STK3: variants seen among roughly 807,000 people sequenced by gnomAD.
STK3 encodes the protein serine/threonine-protein kinase 3.
Under a neutral mutation model 58.0 loss-of-function variants are expected in STK3, and 41 were observed. The ratio of observed to expected loss-of-function variants is 0.71; its 90% CI spans 0.55 to 0.92. The LOEUF (loss-of-function observed/expected upper bound fraction) is 0.92, where lower values mean the gene tolerates loss of function less well. STK3 is among the 40% of genes least tolerant of loss of function. The pLI is 0.00. For synonymous variants in STK3, 170 were observed against 191.0 expected (o/e 0.89, Z 0.91); for missense variants, 479 against 602.7 (o/e 0.79, Z 2.15).
At chr8:98,734,088 GAA>G (rs1247987777) in intron 4 of STK3, among the ~76,000 whole-genome samples, 5 of 152,054 alleles carry the variant, frequency 3.3e-5, no homozygotes, top group African/African-American at 1.2e-4. Flanking sequence ...ACTCTCATGA[GAA>G]CTCACTATCA....
intron 7 of STK3, among the ~76,000 whole-genome samples, chr8:98,588,245 C>G (rs1201031915): frequency 6.6e-6 from 1 of 151,804 alleles, no homozygotes; most frequent in Non-Finnish European, 1.5e-5. Context: ...GCCGGTTGTT[C>G]CTTTCCATTT....
At chr8:98,604,541 CT>C (rs1816620437) in intron 6 of STK3, among the ~76,000 whole-genome samples, 2 of 152,202 alleles carry the variant, frequency 1.3e-5, no homozygotes, top group African/African-American at 4.8e-5. Flanking sequence ...CCATATTTCC[CT>C]CTTGCATTGC....
At chr8:98,558,813 T>A (rs1054178598) in intron 8 of STK3, among the ~76,000 whole-genome samples, 1 of 152,140 alleles carries the variant, frequency 6.6e-6, no homozygotes, top group African/African-American at 2.4e-5. Context: ...ATAAATTGTA[T>A]TTTTATTGTT....
chr8:98,872,818 G>A (rs1289142193), intron 3 of STK3, among the ~76,000 whole-genome samples: 1 of 152,014 alleles, frequency 6.6e-6, no homozygotes, highest in African/African-American at 2.4e-5. Flanking sequence ...TTTTTGAAGG[G>A]ATTTTTATGT....
At chr8:98,874,438 C>T (rs1837490716) in intron 3 of STK3, among the ~76,000 whole-genome samples, 1 of 152,242 alleles carries the variant, frequency 6.6e-6, no homozygotes, top group East Asian at 1.9e-4. Context: ...AAAGAATAAA[C>T]TCCTGTTGTT....
At chr8:98,749,530 C>T in intron 3 of STK3, 140 bp from the exon 4 acceptor site, 1 of 455,198 alleles carries the variant, frequency 2.2e-6, no homozygotes, top group South Asian at 6.3e-5. Context: ...ATCAAATTCT[C>T]AATATCTGGA....
At chr8:98,724,366 TC>T (rs760332306) in intron 4 of STK3, among the ~76,000 whole-genome samples, 8 of 152,174 alleles carry the variant, frequency 5.3e-5, no homozygotes, top group Admixed American at 1.3e-4. Flanking sequence ...ACAAAGTTTA[TC>T]AGGTGACCAA....
intron 1 of STK3, among the ~76,000 whole-genome samples, chr8:98,888,209 C>T (rs1333844254): frequency 6.6e-6 from 1 of 152,170 alleles, no homozygotes; most frequent in Non-Finnish European, 1.5e-5. Flanking sequence ...GTCCCAGCTA[C>T]TCAGGAGGCT....
intron 3 of STK3, among the ~76,000 whole-genome samples, chr8:98,833,605 T>C (rs746832242): frequency 3.3e-5 from 5 of 152,336 alleles, no homozygotes; most frequent in Middle Eastern, 3.4e-3. Flanking sequence ...CTGTTATTTG[T>C]CATGTGATGT....
chr8:98,356,781 C>T, the STK3 span, among the ~76,000 whole-genome samples: 1 of 152,206 alleles, frequency 6.6e-6, no homozygotes, highest in African/African-American at 2.4e-5. Context: ...TTACTTTCAA[C>T]CCCACAGCTG....
intron 4 of STK3, among the ~76,000 whole-genome samples, chr8:98,707,554 C>T (rs897770552): frequency 2.0e-5 from 3 of 151,992 alleles, no homozygotes; most frequent in African/African-American, 7.3e-5. Context: ...AGGCACATGC[C>T]AACCCAATAG....
rs146772529 is a variant in STK3, at chr8:98,594,062, A to G, written c.822+1970T>C. Among the ~76,000 whole-genome samples, 7 of 152,238 alleles carry G rather than the reference A, an allele frequency of 4.6e-5. No individual in the cohort carries two copies. The East Asian group carries it at 1.4e-3, about 29-fold the overall frequency. ...ATAGCTCACGCCTATAATCCCAGGA[A>G]TTTGGGAGGCCAAAGTGGGCAGATT... On this transcript the variant is annotated intron_variant, in intron 7 of 10. Coordinates refer to ENST00000419617, the MANE Select transcript of STK3 (RefSeq NM_006281.4).
At chr8:98,874,024 G>T (rs1837474942) in intron 3 of STK3, among the ~76,000 whole-genome samples, 1 of 152,144 alleles carries the variant, frequency 6.6e-6, no homozygotes, top group African/African-American at 2.4e-5. Flanking sequence ...AGGAGCTCTT[G>T]TAAGGCAGGC....
At chr8:98,640,529 A>G (rs768290363) in intron 6 of STK3, among the ~76,000 whole-genome samples, 26 of 152,190 alleles carry the variant, frequency 1.7e-4, no homozygotes, top group Non-Finnish European at 3.7e-4. Flanking sequence ...TTTATTCTCA[A>G]TCTATTTTAT....
chr8:98,738,494 A>C (rs887476317), intron 4 of STK3, among the ~76,000 whole-genome samples: 2 of 152,012 alleles, frequency 1.3e-5, no homozygotes, highest in African/African-American at 4.8e-5. Flanking sequence ...AAAAAATAAA[A>C]TAAATAAATA....
chr8:98,737,895 A>C (rs1563945621), intron 4 of STK3, among the ~76,000 whole-genome samples: 1 of 152,056 alleles, frequency 6.6e-6, no homozygotes, highest in African/African-American at 2.4e-5. Context: ...TTTTTAGTAG[A>C]GACAGAGTTT....
At chr8:98,712,179 A>C (rs1191726718) in intron 4 of STK3, among the ~76,000 whole-genome samples, 2 of 152,256 alleles carry the variant, frequency 1.3e-5, no homozygotes, top group Non-Finnish European at 2.9e-5. Context: ...CTGCAAAAAC[A>C]TGCCAAATTG....
At chr8:98,647,352 A>G (rs920694655) in intron 6 of STK3, among the ~76,000 whole-genome samples, 1 of 152,066 alleles carries the variant, frequency 6.6e-6, no homozygotes, top group African/African-American at 2.4e-5. Context: ...TTTCCAAAAC[A>G]CTTATGGCTT....
chr8:98,875,006 T>A (rs557338113), intron 3 of STK3, among the ~76,000 whole-genome samples: 2 of 152,164 alleles, frequency 1.3e-5, no homozygotes, highest in Non-Finnish European at 2.9e-5. Flanking sequence ...TTTGAAACAA[T>A]ACATGACAAC....
Sources: gnomAD v4.1 joint callset for allele counts (sites outside exome capture counted in the v4.1 genomes callset) on GRCh38, gnomAD v4.1.1 for gene constraint, MANE v1.5 for transcripts, NCBI Gene and HGNC (gene_info 2026-07-23, HGNC 2026-07-21) for gene names.